TOX3: variants seen among roughly 807,000 people sequenced by gnomAD.
TOX3 encodes the protein TOX high mobility group box family member 3, also known as CAG trinucleotide repeat-containing gene F9 protein.
In TOX3, 22 loss-of-function variants were observed where a neutral mutation model predicts 64.3. The ratio of observed to expected loss-of-function variants is 0.34; its 90% CI spans 0.24 to 0.49. The LOEUF (loss-of-function observed/expected upper bound fraction) is 0.49. Among genes scored for constraint, TOX3 ranks in the 20% least tolerant of loss-of-function variants. The pLI is 0.99. For missense variants in TOX3, 661 were observed against 714.4 expected, an observed-to-expected ratio of 0.93 and a Z score of 0.85; for synonymous variants, 291 against 273.6, an observed-to-expected ratio of 1.06 and a Z score of -0.63.
chr16:52,515,563 T>A (rs1310341696), intron 1 of TOX3, among the ~76,000 whole-genome samples: 1 of 152,176 alleles, frequency 6.6e-6, no homozygotes, highest in African/African-American at 2.4e-5. Flanking sequence ...AGTTTAAAAA[T>A]AACAGTCATT....
At chr16:52,450,636 A>G (rs1429535678) in intron 3 of TOX3, 90 bp from the exon 4 acceptor site, 1 of 1,523,322 alleles carries the variant, frequency 6.6e-7, no homozygotes, top group African/African-American at 1.4e-5. Context: ...GATAGGTTTG[A>G]ACTGTTGCAA....
Position 52,446,761 on chromosome 16 carries a change from G to C in TOX3, c.679-540C>G, listed in dbSNP as rs143933830. Among the ~76,000 whole-genome samples, 3 of 151,996 alleles carry C rather than the reference G, an allele frequency of 2.0e-5. No homozygotes were observed. In the East Asian group the frequency reaches 5.8e-4, roughly 29 times the overall value. ...TCTCCAGAAATTCAAATGGAAGTTA[G>C]CTCCAATTTCTATACTTGCAGCATT... On this transcript the variant is annotated intron_variant, in intron 4 of 6. Coordinates refer to ENST00000219746, the MANE Select transcript of TOX3 (RefSeq NM_001080430.4).
At chr16:52,541,135 A>T (rs1251023538) in intron 1 of TOX3, among the ~76,000 whole-genome samples, 1 of 152,116 alleles carries the variant, frequency 6.6e-6, no homozygotes, top group Admixed American at 6.6e-5. Flanking sequence ...CTCCAAGGGT[A>T]AAGTCCAAAA....
intron 1 of TOX3, among the ~76,000 whole-genome samples, chr16:52,539,556 C>T (rs1277994068): frequency 1.3e-5 from 2 of 152,210 alleles, no homozygotes; most frequent in African/African-American, 4.8e-5. Flanking sequence ...GCAACACCAG[C>T]CAATCCTCAG....
chr16:52,449,863 T>C lies in TOX3; in HGVS notation c.678+414A>G, dbSNP rs145093979. On this transcript the variant is annotated intron_variant, in intron 4 of 6. Transcript: ENST00000219746. ...ATAAACATCACCGAAGCCGCAAGGCTGTCAAATGTGGCAGCAGCTTGACCA... is the reference window on the plus strand; with the variant it reads ...ATAAACATCACCGAAGCCGCAAGGCCGTCAAATGTGGCAGCAGCTTGACCA... Among the ~76,000 whole-genome samples, 509 of 152,382 alleles carry C rather than the reference T, an allele frequency of 3.3e-3. 2 individuals carry two copies. Among genetic ancestry groups the C allele is most frequent in the African/African-American group, 0.012 (480 of 41,596 alleles).
intron 1 of TOX3, among the ~76,000 whole-genome samples, chr16:52,520,810 T>A (rs1485045440): frequency 1.3e-5 from 2 of 152,118 alleles, no homozygotes; most frequent in Non-Finnish European, 2.9e-5. Context: ...CCCTAAACAT[T>A]TTTTTTAATT....
At chr16:52,459,613 A>T (rs1960629173) in intron 3 of TOX3, among the ~76,000 whole-genome samples, 1 of 152,202 alleles carries the variant, frequency 6.6e-6, no homozygotes, top group Non-Finnish European at 1.5e-5. Context: ...AATAGTCATC[A>T]TCCTGTGAAC....
intron 1 of TOX3, among the ~76,000 whole-genome samples, chr16:52,476,276 T>C (rs1438707697): frequency 6.6e-6 from 1 of 152,190 alleles, no homozygotes; most frequent in Non-Finnish European, 1.5e-5. Context: ...CCTAAACATA[T>C]GGACTCTGCT....
chr16:52,440,917 C>T (rs901851949), intron 6 of TOX3, among the ~76,000 whole-genome samples: 1 of 151,930 alleles, frequency 6.6e-6, no homozygotes, highest in Non-Finnish European at 1.5e-5. Context: ...CCCACCACCA[C>T]ACCCAGCTAA....
intron 1 of TOX3, among the ~76,000 whole-genome samples, chr16:52,472,680 AT>A (rs1422561592): frequency 6.6e-6 from 1 of 152,210 alleles, no homozygotes; most frequent in Non-Finnish European, 1.5e-5. Flanking sequence ...AACTAAATGA[AT>A]ATCAGGTAAA....
Position 52,546,807 on chromosome 16 carries a change from G to T in TOX3, c.-84C>A. The T allele has an allele frequency of 2.3e-6, 3 of 1,325,622 alleles. No homozygotes were observed. The highest frequency in any genetic ancestry group is 3.6e-5 in the Admixed American group (1 of 27,400). 82.1% of individuals were successfully genotyped at this position (1,325,622 alleles called of 1,614,324 possible). A position where few individuals can be genotyped will look rare whatever the true frequency, so the allele number is the denominator to read the frequency against. On this transcript the variant is annotated 5_prime_UTR_variant, in exon 1 of 7. Coordinates refer to ENST00000219746, the MANE Select transcript of TOX3 (RefSeq NM_001080430.4). Reference sequence around the variant, plus strand: ...CCTCCTCGCCGCCGCTAGATCCACCGTCGAGGGCGCCCGGGGGTGGCGCGT... The same window carrying T: ...CCTCCTCGCCGCCGCTAGATCCACCTTCGAGGGCGCCCGGGGGTGGCGCGT...
At chr16:52,470,742 T>G (rs1031923761) in intron 1 of TOX3, among the ~76,000 whole-genome samples, 3 of 152,252 alleles carry the variant, frequency 2.0e-5, no homozygotes, top group African/African-American at 7.2e-5. Flanking sequence ...CCACGCAGCG[T>G]TTAGTCAAGC....
intron 1 of TOX3, among the ~76,000 whole-genome samples, chr16:52,505,799 A>C (rs28530752): frequency 0.034 from 5,208 of 152,214 alleles, 336 homozygotes; most frequent in African/African-American, 0.12. Flanking sequence ...CAACATAGGG[A>C]GACCCCGTCC....
chr16:52,547,280 G>T, upstream of TOX3: 1 of 142,242 alleles, frequency 7.0e-6, no homozygotes, highest in South Asian at 2.0e-4. Flanking sequence ...CCTCGGCCCG[G>T]ACCGCCTCCG....
intron 1 of TOX3, among the ~76,000 whole-genome samples, chr16:52,537,667 A>T (rs916981335): frequency 6.6e-6 from 1 of 152,130 alleles, no homozygotes; most frequent in Non-Finnish European, 1.5e-5. Context: ...TTCCAAGAAG[A>T]TGACAGTGTC....
At chr16:52,510,144 TAA>T (rs35701412) in intron 1 of TOX3, among the ~76,000 whole-genome samples, 39 of 138,568 alleles carry the variant, frequency 2.8e-4, no homozygotes, top group Admixed American at 2.9e-4. Flanking sequence ...GCCTTGCTGT[TAA>T]AAAAAAAAAA....
intron 1 of TOX3, among the ~76,000 whole-genome samples, chr16:52,491,760 C>A (rs1048696273): frequency 5.9e-5 from 9 of 152,016 alleles, no homozygotes; most frequent in Non-Finnish European, 1.2e-4. Flanking sequence ...AAGAAATGAC[C>A]CCCTGAGGTC....
chr16:52,525,813 C>T (rs1446665848), intron 1 of TOX3, among the ~76,000 whole-genome samples: 3 of 152,102 alleles, frequency 2.0e-5, no homozygotes, highest in African/African-American at 4.8e-5. Context: ...CTAATGAACC[C>T]AAAAGGAAAA....
At chr16:52,444,194 C>T (rs1180297285) in intron 6 of TOX3, 82 bp downstream of exon 6, 3 of 1,076,380 alleles carry the variant, frequency 2.8e-6, no homozygotes, top group Non-Finnish European at 2.6e-6. Flanking sequence ...TTTAGGGGAG[C>T]TACAAGTATG....
Sources: allele counts gnomAD v4.1 joint callset (sites outside exome capture counted in the v4.1 genomes callset), GRCh38; gene constraint gnomAD v4.1.1; transcripts MANE v1.5; gene names NCBI Gene and HGNC (gene_info 2026-07-23, HGNC 2026-07-21).